ADAM18: variants seen among roughly 807,000 people sequenced by gnomAD.
ADAM18 encodes ADAM metallopeptidase domain 18, also known as disintegrin and metalloproteinase domain-containing protein 18.
A neutral mutation model predicts 94.4 loss-of-function variants in ADAM18; 117 were observed. The ratio of observed to expected loss-of-function variants is 1.24; its 90% confidence interval spans 1.07 to 1.45. The LOEUF (loss-of-function observed/expected upper bound fraction) is 1.45, where lower values mean the gene tolerates loss of function less well. Ranked by LOEUF, ADAM18 falls within the 40% of genes most tolerant of loss-of-function variation. ADAM18 has a pLI of 0.00. For synonymous variants in ADAM18, 327 were observed against 291.6 expected (o/e 1.12, Z -1.24); for missense variants, 936 against 880.0 (o/e 1.06, Z -0.81).
At chr8:39,611,605 A>T (rs1819273506) in intron 6 of ADAM18, 9 of 984,508 alleles carry the variant, frequency 9.1e-6, no homozygotes, top group Non-Finnish European at 1.1e-5. Context: ...AGATATGGAA[A>T]GCTGGAAACA....
chr8:39,613,629 A>G (rs1819347412), intron 6 of ADAM18, among the ~76,000 whole-genome samples: 1 of 152,200 alleles, frequency 6.6e-6, no homozygotes, highest in African/African-American at 2.4e-5. Flanking sequence ...ACCAAGCTGA[A>G]ACGACTGAAA....
At chr8:39,591,071 G>A (rs1320227716) in intron 2 of ADAM18, among the ~76,000 whole-genome samples, 1 of 152,130 alleles carries the variant, frequency 6.6e-6, no homozygotes, top group African/African-American at 2.4e-5. Flanking sequence ...AAATAACATT[G>A]TATAAACCTT....
intron 12 of ADAM18, among the ~76,000 whole-genome samples, chr8:39,657,691 A>G (rs1820726147): frequency 1.3e-5 from 2 of 152,182 alleles, no homozygotes; most frequent in Admixed American, 1.3e-4. Context: ...GGAAATGTCA[A>G]TCTCTTCTAG....
At chr8:39,591,974 A>T (rs918653276) in intron 2 of ADAM18, among the ~76,000 whole-genome samples, 1 of 152,248 alleles carries the variant, frequency 6.6e-6, no homozygotes, top group Non-Finnish European at 1.5e-5. Flanking sequence ...CTAGGTGACC[A>T]GGTACATTGT....
At chr8:39,592,945 G>A (rs1023493868) in intron 2 of ADAM18, among the ~76,000 whole-genome samples, 1 of 152,166 alleles carries the variant, frequency 6.6e-6, no homozygotes. Context: ...CTGAAAATCT[G>A]TTGTTTAGTA....
chr8:39,629,506 C>G (rs1032060859), intron 7 of ADAM18, 67 bp downstream of exon 7: 199 of 1,023,326 alleles, frequency 1.9e-4, no homozygotes, highest in Non-Finnish European at 3.2e-5. Context: ...AACTTTCCTT[C>G]TTGCATTCCT....
chr8:39,623,565 T>C (rs1164547480), intron 6 of ADAM18, among the ~76,000 whole-genome samples: 1 of 152,034 alleles, frequency 6.6e-6, no homozygotes, highest in Non-Finnish European at 1.5e-5. Flanking sequence ...AAGTGGTATC[T>C]CATTATAATT....
At chr8:39,614,517 C>G (rs1819380036) in intron 6 of ADAM18, among the ~76,000 whole-genome samples, 1 of 152,126 alleles carries the variant, frequency 6.6e-6, no homozygotes, top group South Asian at 2.1e-4. Context: ...CAAAAGAACA[C>G]TAAGTACATA....
intron 12 of ADAM18, among the ~76,000 whole-genome samples, chr8:39,650,690 T>G (rs912350688): frequency 2.0e-5 from 3 of 152,234 alleles, no homozygotes; most frequent in Non-Finnish European, 4.4e-5. Flanking sequence ...AAGTTAATAT[T>G]GTTAAAATAT....
chr8:39,663,676 A>G, intron 12 of ADAM18, 119 bp from the exon 13 acceptor site: 1 of 607,990 alleles, frequency 1.6e-6, no homozygotes, highest in Non-Finnish European at 2.8e-6. Context: ...GGAATTATAC[A>G]ATTATATTGT....
chr8:39,644,949 C>T (rs956613205), intron 10 of ADAM18, among the ~76,000 whole-genome samples: 1 of 152,124 alleles, frequency 6.6e-6, no homozygotes, highest in Admixed American at 6.6e-5. Context: ...AAGTCCTTTT[C>T]TTTCATACAT....
chr8:39,675,731 T>G (rs548262211), intron 14 of ADAM18, among the ~76,000 whole-genome samples: 1 of 152,376 alleles, frequency 6.6e-6, no homozygotes, highest in Non-Finnish European at 1.5e-5. Flanking sequence ...TTTCAGCTTT[T>G]CTGCTCTGGT....
intron 6 of ADAM18, among the ~76,000 whole-genome samples, chr8:39,623,584 G>GTTTTTT (rs548625927): frequency 1.3e-5 from 2 of 150,838 alleles, no homozygotes; most frequent in East Asian, 3.9e-4. Flanking sequence ...TTTTTTGTTT[G>GTTTTTT]TTTTTTTGTT....
intron 6 of ADAM18, among the ~76,000 whole-genome samples, chr8:39,619,182 T>C (rs1563277744): frequency 6.6e-6 from 1 of 152,152 alleles, no homozygotes; most frequent in Non-Finnish European, 1.5e-5. Context: ...CAAACATTAA[T>C]AGATCTAAAG....
chr8:39,646,682 T>C (rs1487335960), intron 11 of ADAM18, among the ~76,000 whole-genome samples: 3 of 152,196 alleles, frequency 2.0e-5, no homozygotes, highest in Non-Finnish European at 4.4e-5. Flanking sequence ...ACATACAGTA[T>C]ATTTGAAATG....
intron 2 of ADAM18, among the ~76,000 whole-genome samples, chr8:39,602,648 A>C (rs2129578229): frequency 6.6e-6 from 1 of 152,128 alleles, no homozygotes; most frequent in Non-Finnish European, 1.5e-5. Flanking sequence ...TTCATTTTTA[A>C]ATTGGGTTGT....
chr8:39,687,908 T>G (rs73609905), intron 16 of ADAM18, among the ~76,000 whole-genome samples: 2 of 152,236 alleles, frequency 1.3e-5, no homozygotes, highest in African/African-American at 2.4e-5. Context: ...TCTTTGCTAT[T>G]GTGAATAGTG....
At chr8:39,627,702 G>T (rs1217795979) in intron 6 of ADAM18, among the ~76,000 whole-genome samples, 1 of 151,908 alleles carries the variant, frequency 6.6e-6, no homozygotes, top group Non-Finnish European at 1.5e-5. Context: ...GGTGTATTTA[G>T]ACCATTTATA....
At chr8:39,683,061 A>G (rs147188805) in intron 16 of ADAM18, among the ~76,000 whole-genome samples, 97 of 152,324 alleles carry the variant, frequency 6.4e-4, no homozygotes, top group Middle Eastern at 6.8e-3. Context: ...GGAAAAAATG[A>G]TGGAATATAA....
Sources: gnomAD v4.1 joint callset for allele counts (sites outside exome capture counted in the v4.1 genomes callset) on GRCh38, gnomAD v4.1.1 for gene constraint, MANE v1.5 for transcripts, NCBI Gene and HGNC (gene_info 2026-07-23, HGNC 2026-07-21) for gene names.